PLEKHH2: variants seen among roughly 807,000 people sequenced by gnomAD.
PLEKHH2 encodes the protein pleckstrin homology domain-containing family H member 2.
PLEKHH2 carries 129 observed loss-of-function variants against 187.9 expected under a neutral mutation model. The observed-to-expected ratio is 0.69, with a 90% CI of 0.59 to 0.79. The LOEUF (loss-of-function observed/expected upper bound fraction) is 0.79. PLEKHH2 is among the 30% of genes least tolerant of loss of function. The pLI, the probability that PLEKHH2 is intolerant of heterozygous loss-of-function variation, is 0.00. For missense variants in PLEKHH2, 2,076 were observed against 1,751.2 expected, an observed-to-expected ratio of 1.19 and a Z score of -3.31; for synonymous variants, 686 against 605.6, an observed-to-expected ratio of 1.13 and a Z score of -1.95.
Position 43,700,376 on chromosome 2 carries a change from G to A in PLEKHH2, c.1418G>A (p.Arg473Lys). The change falls in exon 8 of 30, where the codon AGA becomes AAA. Residue 473 changes from arginine to lysine, a missense_variant. Physicochemically the swap from Arg to Lys is conservative, Grantham distance 26. Coordinates refer to ENST00000282406, the MANE Select transcript of PLEKHH2 (RefSeq NM_172069.4). ...LSSDRMFGTN[R>K]NAISMIRPLR... ...TCTGACAGGATGTTTGGTACAAATAGAAACGCTATAAGCATGATACGACCA... is the reference window on the plus strand; with the variant it reads ...TCTGACAGGATGTTTGGTACAAATAAAAACGCTATAAGCATGATACGACCA... 1 of 1,614,130 alleles carries A rather than the reference G, an allele frequency of 6.2e-7. No individual in the cohort carries two copies. Among genetic ancestry groups the A allele is most frequent in the Non-Finnish European group, 8.5e-7 (1 of 1,180,034 alleles).
chr2:43,743,806 A>G (rs1671668163), intron 22 of PLEKHH2, 28 bp from the exon 23 acceptor site: 7 of 1,584,914 alleles, frequency 4.4e-6, no homozygotes, highest in South Asian at 2.3e-5. Flanking sequence ...TTTCTTATTA[A>G]GAGAACTGCT....
At chr2:43,752,420 G>A (rs1363600444) in intron 24 of PLEKHH2, among the ~76,000 whole-genome samples, 1 of 152,148 alleles carries the variant, frequency 6.6e-6, no homozygotes, top group Non-Finnish European at 1.5e-5. Context: ...GGTAGGAGGA[G>A]CTTTTCAAAG....
intron 15 of PLEKHH2, among the ~76,000 whole-genome samples, chr2:43,718,190 G>A (rs1317609845): frequency 6.6e-6 from 1 of 152,150 alleles, no homozygotes; most frequent in Non-Finnish European, 1.5e-5. Context: ...AAATTTTCGT[G>A]AGGATTCTTC....
intron 2 of PLEKHH2, among the ~76,000 whole-genome samples, chr2:43,677,347 C>A (rs942984654): frequency 4.6e-5 from 7 of 152,042 alleles, no homozygotes; most frequent in African/African-American, 1.7e-4. Flanking sequence ...ACCCTTCGGC[C>A]CTCTGCAGTG....
At chr2:43,730,076 C>G (rs1452660922) in intron 18 of PLEKHH2, among the ~76,000 whole-genome samples, 1 of 152,176 alleles carries the variant, frequency 6.6e-6, no homozygotes, top group Non-Finnish European at 1.5e-5. Flanking sequence ...CTCTGCAGCT[C>G]AGCATCTGGC....
At chr2:43,724,297 G>A (rs1010648033) in intron 16 of PLEKHH2, among the ~76,000 whole-genome samples, 5 of 152,166 alleles carry the variant, frequency 3.3e-5, no homozygotes, top group Admixed American at 6.5e-5. Context: ...TGGAAGAAGG[G>A]CTCCAGCACT....
At chr2:43,709,920 G>A in intron 11 of PLEKHH2, 70 bp from the exon 12 acceptor site, 1 of 1,379,450 alleles carries the variant, frequency 7.2e-7, no homozygotes, top group Non-Finnish European at 9.9e-7. Flanking sequence ...TTCTGTAGGA[G>A]CACTCAGAGC....
chr2:43,757,369 C>T, intron 26 of PLEKHH2, 105 bp downstream of exon 26: 1 of 918,010 alleles, frequency 1.1e-6, no homozygotes, highest in Non-Finnish European at 1.5e-6. Flanking sequence ...ACAGCTTTCT[C>T]AAGATTTTTT....
chr2:43,686,155 C>G (rs935917683), intron 3 of PLEKHH2, among the ~76,000 whole-genome samples: 2 of 147,640 alleles, frequency 1.4e-5, no homozygotes, highest in African/African-American at 5.3e-5. Context: ...CTTCTTCCTT[C>G]TTCCTCTTCC....
At position 43,710,273 on chromosome 2, in the gene PLEKHH2, T is replaced by C; in HGVS notation, c.2157T>C (p.Ser719=). Residue 719 remains serine (S), a synonymous_variant, in exon 13 of 30, where the codon TCT becomes TCC. Coordinates refer to ENST00000282406, the MANE Select transcript of PLEKHH2 (RefSeq NM_172069.4). Reference sequence around the variant, plus strand: ...TAAAAATGAGTGGTAAAGTCAAGTCTTGGAAGCGGCGGTGGTTTGTTCTTA... The same window carrying C: ...TAAAAATGAGTGGTAAAGTCAAGTCCTGGAAGCGGCGGTGGTTTGTTCTTA... The part of the protein sequence containing the change: ...YLLKMSGKVK[S]WKRRWFVLKG... The C allele has an allele frequency of 1.2e-6, 2 of 1,614,166 alleles. No homozygotes were observed. The highest frequency in any genetic ancestry group is 1.7e-6 in the Non-Finnish European group (2 of 1,180,026).
chr2:43,749,404 A>T (rs1671917394), intron 24 of PLEKHH2, among the ~76,000 whole-genome samples: 1 of 152,214 alleles, frequency 6.6e-6, no homozygotes, highest in South Asian at 2.1e-4. Flanking sequence ...CAGCCTCCGT[A>T]AAATGCGTAA....
chr2:43,759,689 G>A (rs776529877), intron 27 of PLEKHH2, among the ~76,000 whole-genome samples: 5 of 152,116 alleles, frequency 3.3e-5, no homozygotes, highest in Non-Finnish European at 7.4e-5. Flanking sequence ...CTGTGTGTTT[G>A]TTTTATACTC....
intron 2 of PLEKHH2, among the ~76,000 whole-genome samples, chr2:43,678,563 A>C (rs1437988104): frequency 6.6e-6 from 1 of 152,122 alleles, no homozygotes; most frequent in East Asian, 1.9e-4. Context: ...TACGAAAACC[A>C]GTCAGGCGTG....
intron 25 of PLEKHH2, 91 bp downstream of exon 25, chr2:43,753,851 T>A: frequency 1.8e-6 from 2 of 1,108,976 alleles, no homozygotes; most frequent in Non-Finnish European, 2.5e-6. Context: ...ACTTCAATAA[T>A]TCTTTACATT....
Position 43,700,312 on chromosome 2 carries a change from G to A in PLEKHH2, c.1354G>A (p.Ala452Thr). The change falls in exon 8 of 30, where the codon GCA becomes ACA. Residue 452 changes from alanine to threonine, a missense_variant. By Grantham distance (58) the Ala-to-Thr change is moderately conservative. Coordinates refer to ENST00000282406, the MANE Select transcript of PLEKHH2 (RefSeq NM_172069.4). ...RIPNVFSISVALAKRHLSQPQ... is the reference protein window; with the variant it reads ...RIPNVFSISVTLAKRHLSQPQ... ...TCCTAATGTTTTCAGTATAAGTGTA[G>A]CACTAGCCAAAAGGCACTTAAGCCA... is the stretch of plus-strand genomic sequence containing the variant. 6 of 1,614,104 alleles carry A rather than the reference G, an allele frequency of 3.7e-6. No individual in the cohort carries two copies. Among genetic ancestry groups the A allele is most frequent in the Non-Finnish European group, 5.1e-6 (6 of 1,179,992 alleles).
At position 43,712,511 on chromosome 2, in the gene PLEKHH2, G is replaced by A. The variant is rs958316574; in HGVS notation, c.2460+128G>A. 2.4e-5 allele frequency: 27 copies of A among 1,122,318 alleles called. No individual in the cohort carries two copies. The African/African-American group carries it at 3.8e-4, about 16-fold the overall frequency. 69.5% of individuals were successfully genotyped at this position (1,122,318 alleles called of 1,614,324 possible). A position where few individuals can be genotyped will look rare whatever the true frequency, so the allele number is the denominator to read the frequency against. The stretch of plus-strand genomic sequence containing the variant: ...TATGATCTTGGGGATAGGAAAGGGT[G>A]TTTTTAAGTATGATGCCCAAGGCAA... On this transcript the variant is annotated intron_variant, in intron 15 of 29. Transcript: ENST00000282406.
At chr2:43,718,053 A>C (rs1377470197) in intron 15 of PLEKHH2, among the ~76,000 whole-genome samples, 1 of 152,202 alleles carries the variant, frequency 6.6e-6, no homozygotes, top group Non-Finnish European at 1.5e-5. Flanking sequence ...GCAAGGGCTA[A>C]TTGGGATATG....
At chr2:43,651,995 C>T (rs996635907) in intron 2 of PLEKHH2, among the ~76,000 whole-genome samples, 1 of 152,094 alleles carries the variant, frequency 6.6e-6, no homozygotes, top group African/African-American at 2.4e-5. Flanking sequence ...GAATAGGACA[C>T]CTGCAAAGTA....
At chr2:43,658,440 G>A (rs7571239) in intron 2 of PLEKHH2, among the ~76,000 whole-genome samples, 60,580 of 152,008 alleles carry the variant, frequency 0.4, 12,473 homozygotes, top group Non-Finnish European at 0.44. Flanking sequence ...ACAACTATAA[G>A]CATTTATTAT....
Sources: gnomAD v4.1 joint callset for allele counts (sites outside exome capture counted in the v4.1 genomes callset) on GRCh38, gnomAD v4.1.1 for gene constraint, MANE v1.5 for transcripts, NCBI Gene and HGNC (gene_info 2026-07-23, HGNC 2026-07-21) for gene names.